The following ROBO2 variants were observed in gnomAD, a reference collection of about 807,000 sequenced individuals.
ROBO2 encodes roundabout guidance receptor 2.
A neutral mutation model predicts 160.8 loss-of-function variants in ROBO2; 53 were observed. That is an observed-to-expected ratio of 0.33 (90% confidence interval 0.26 to 0.41). ROBO2 has a LOEUF of 0.41. Among genes scored for constraint, ROBO2 ranks in the 10% least tolerant of loss-of-function variants. The pLI is 1.00. For synonymous variants in ROBO2, 664 were observed against 611.7 expected (o/e 1.09, Z -1.26); for missense variants, 1,577 against 1,722.4 (o/e 0.92, Z 1.49).
intron 2 of ROBO2, among the ~76,000 whole-genome samples, chr3:77,222,496 T>G (rs1248666762): frequency 6.6e-6 from 1 of 152,150 alleles, no homozygotes; most frequent in Non-Finnish European, 1.5e-5. Flanking sequence ...GAAACTTATT[T>G]TTAAATATAG....
At chr3:76,263,721 A>G (rs1294676214) in intron 2 of ROBO2, among the ~76,000 whole-genome samples, 3 of 152,184 alleles carry the variant, frequency 2.0e-5, no homozygotes, top group South Asian at 2.1e-4. Context: ...ATTAGTGGGT[A>G]TATACCCAAA....
intron 21 of ROBO2, among the ~76,000 whole-genome samples, chr3:77,611,297 CA>C (rs11330872): frequency 0.11 from 14,611 of 132,110 alleles, 893 homozygotes; most frequent in Admixed American, 0.17. Context: ...GACTCTGTCT[CA>C]AAAAAAAAAA....
chr3:76,150,240 T>G (rs76669433), intron 2 of ROBO2, among the ~76,000 whole-genome samples: 2 of 71,918 alleles, frequency 2.8e-5, no homozygotes, highest in African/African-American at 6.0e-5. Flanking sequence ...TCTGTCTAAA[T>G]CACACATCTG....
chr3:77,260,679 C>A (rs184360968), intron 2 of ROBO2, among the ~76,000 whole-genome samples: 44 of 152,320 alleles, frequency 2.9e-4, no homozygotes, highest in Non-Finnish European at 5.1e-4. Flanking sequence ...CAAGGTCCCA[C>A]AAGCGGTAGA....
chr3:75,933,396 A>G (rs142558887), intron 1 of ROBO2, among the ~76,000 whole-genome samples: 2 of 152,254 alleles, frequency 1.3e-5, no homozygotes, highest in African/African-American at 4.8e-5. Context: ...GAGAAGTTGA[A>G]CAAACGGACC....
intron 2 of ROBO2, among the ~76,000 whole-genome samples, chr3:76,146,241 A>C (rs972659747): frequency 8.6e-5 from 13 of 151,946 alleles, no homozygotes; most frequent in African/African-American, 3.1e-4. Context: ...TTTTATTTTA[A>C]ATTCTTTATC....
intron 2 of ROBO2, among the ~76,000 whole-genome samples, chr3:76,687,011 T>A (rs2092699802): frequency 6.6e-6 from 1 of 152,088 alleles, no homozygotes; most frequent in African/African-American, 2.4e-5. Context: ...GGTTTGTCTC[T>A]TGTTTTCTAT....
intron 2 of ROBO2, among the ~76,000 whole-genome samples, chr3:76,080,090 C>T (rs766428676): frequency 6.6e-6 from 1 of 152,028 alleles, no homozygotes; most frequent in African/African-American, 2.4e-5. Flanking sequence ...ATGTTGAAGG[C>T]GAAATTAAAT....
intron 2 of ROBO2, among the ~76,000 whole-genome samples, chr3:76,002,326 G>A (rs1029719021): frequency 1.3e-5 from 2 of 152,154 alleles, no homozygotes; most frequent in African/African-American, 2.4e-5. Flanking sequence ...TGGTTTGGCT[G>A]TGTCCCCACC....
At chr3:76,520,880 T>A (rs1023266811) in intron 2 of ROBO2, among the ~76,000 whole-genome samples, 1 of 152,112 alleles carries the variant, frequency 6.6e-6, no homozygotes, top group African/African-American at 2.4e-5. Flanking sequence ...AATGTAACCT[T>A]TCATATCTGG....
exon 1 of ROBO2, chr3:77,040,139 C>T (rs2063947575): frequency 1.0e-6 from 1 of 984,040 alleles, no homozygotes; most frequent in Non-Finnish European, 1.2e-6. Flanking sequence ...TCCTGATTTC[C>T]CTTCTCCTCT....
intron 2 of ROBO2, among the ~76,000 whole-genome samples, chr3:76,949,536 G>A (rs1363836451): frequency 1.3e-5 from 2 of 152,172 alleles, no homozygotes. Flanking sequence ...TATTTAAGGT[G>A]TCCAAGACCG....
At chr3:76,340,341 A>G (rs35179409) in intron 2 of ROBO2, among the ~76,000 whole-genome samples, 147,800 of 152,174 alleles carry the variant, frequency 0.97, 71,915 homozygotes, top group Middle Eastern at 1. Flanking sequence ...GGGATAGAAC[A>G]GTATCCAACA....
chr3:76,726,863 A>G (rs543568210), intron 2 of ROBO2, among the ~76,000 whole-genome samples: 7 of 152,302 alleles, frequency 4.6e-5, no homozygotes, highest in South Asian at 4.1e-4. Context: ...GGAAAAAGCT[A>G]TCTCGTACAG....
intron 5 of ROBO2, among the ~76,000 whole-genome samples, chr3:77,522,117 TATA>T (rs1319268432): frequency 6.6e-5 from 10 of 151,308 alleles, no homozygotes; most frequent in Admixed American, 6.0e-4. Context: ...TTTTTGGTGT[TATA>T]ATGTTTTCTG....
intron 2 of ROBO2, among the ~76,000 whole-genome samples, chr3:76,441,025 T>A (rs938830621): frequency 6.6e-6 from 1 of 152,050 alleles, no homozygotes; most frequent in African/African-American, 2.4e-5. Flanking sequence ...GTTTAAAGGG[T>A]ATGTGTTATA....
chr3:77,565,113 C>T (rs1237843777), exon 12 of ROBO2: 1 of 1,613,586 alleles, frequency 6.2e-7, no homozygotes, highest in South Asian at 1.1e-5. Flanking sequence ...ATCCTGTGCG[C>T]ACACAAGGTA....
rs566916676 is a variant in ROBO2, at chr3:76,801,685, G to A, written c.110-296329G>A. 5.5e-4 allele frequency among the ~76,000 whole-genome samples: 84 copies of A among 152,118 alleles called. No individual in the cohort carries two copies. In the South Asian group the frequency reaches 0.013, roughly 24 times the overall value. On this transcript the variant is annotated intron_variant, in intron 2 of 26. Coordinates refer to the ROBO2 transcript ENST00000487694. ...GCCGTTTTGCTTTCTTATCACTTGC[G>A]TATTCACTGGAGTAGCACTTTTAAT...
intron 2 of ROBO2, among the ~76,000 whole-genome samples, chr3:77,188,817 T>C (rs1472313127): frequency 6.6e-6 from 1 of 151,884 alleles, no homozygotes; most frequent in Non-Finnish European, 1.5e-5. Context: ...TAGTCTTACA[T>C]AGAGCCAAAT....
Sources: allele counts gnomAD v4.1 joint callset (sites outside exome capture counted in the v4.1 genomes callset), GRCh38; gene constraint gnomAD v4.1.1; transcripts MANE v1.5; gene names NCBI Gene and HGNC (gene_info 2026-07-23, HGNC 2026-07-21).